GABBR2: variants seen among roughly 807,000 people sequenced by gnomAD.
GABBR2 encodes G-protein coupled receptor 51.
GABBR2 carries 23 observed loss-of-function variants against 105.6 expected under a neutral mutation model. The ratio of observed to expected loss-of-function variants is 0.22; its 90% CI spans 0.16 to 0.31. The LOEUF is 0.31. Ranked by LOEUF, GABBR2 falls within the 10% of genes least tolerant of loss-of-function variation. The probability of loss-of-function intolerance (pLI) is 1.00; values close to 1 mark genes in which losing one functional copy is unlikely to be tolerated. For missense variants in GABBR2, 734 were observed against 1,245.5 expected, an observed-to-expected ratio of 0.59 and a Z score of 6.18; for synonymous variants, 478 against 499.7, an observed-to-expected ratio of 0.96 and a Z score of 0.58.
At chr9:98,492,690 A>G (rs113753020) in intron 4 of GABBR2, among the ~76,000 whole-genome samples, 2 of 152,216 alleles carry the variant, frequency 1.3e-5, no homozygotes, top group African/African-American at 4.8e-5. Context: ...TTGGGGGAGT[A>G]TTGGTCAGGT....
At chr9:98,643,257 T>A (rs1226994152) in intron 1 of GABBR2, among the ~76,000 whole-genome samples, 1 of 152,228 alleles carries the variant, frequency 6.6e-6, no homozygotes, top group Non-Finnish European at 1.5e-5. Context: ...CAGGGCAGCA[T>A]GCAACGGCAT....
intron 1 of GABBR2, among the ~76,000 whole-genome samples, chr9:98,650,013 G>A (rs568348700): frequency 6.6e-6 from 1 of 152,150 alleles, no homozygotes; most frequent in Non-Finnish European, 1.5e-5. Flanking sequence ...GCTATAAAGA[G>A]GTCTCTCCTT....
At chr9:98,501,042 G>T (rs1000662137) in intron 3 of GABBR2, among the ~76,000 whole-genome samples, 2 of 151,996 alleles carry the variant, frequency 1.3e-5, no homozygotes, top group Non-Finnish European at 1.5e-5. Context: ...TAATGGCTTG[G>T]ATATTTTCCC....
intron 17 of GABBR2, among the ~76,000 whole-genome samples, chr9:98,296,192 T>G (rs1216889719): frequency 6.6e-6 from 1 of 152,152 alleles, no homozygotes; most frequent in Non-Finnish European, 1.5e-5. Context: ...CAAAAGGGCT[T>G]GAGAAAGTGG....
chr9:98,666,649 G>A (rs7870104), intron 1 of GABBR2, among the ~76,000 whole-genome samples: 141,262 of 152,168 alleles, frequency 0.93, 65,694 homozygotes, highest in Middle Eastern at 0.97. Context: ...CTGGGATTAC[G>A]GGCATGAGCC....
At chr9:98,653,744 T>TATGCACACCCACACACAC in intron 1 of GABBR2, among the ~76,000 whole-genome samples, 1 of 149,370 alleles carries the variant, frequency 6.7e-6, no homozygotes, top group South Asian at 2.1e-4. Flanking sequence ...CACACACACA[T>TATGCACACCCACACACAC]ATGCACACCC....
intron 2 of GABBR2, among the ~76,000 whole-genome samples, chr9:98,561,356 T>C (rs1329447196): frequency 6.6e-6 from 1 of 151,436 alleles, no homozygotes; most frequent in East Asian, 1.9e-4. Context: ...TACCCAAATG[T>C]TGGTTTCTTA....
intron 7 of GABBR2, among the ~76,000 whole-genome samples, chr9:98,436,325 T>TACC (rs1240832671): frequency 2.4e-4 from 12 of 49,226 alleles, no homozygotes; most frequent in African/African-American, 1.1e-3. Flanking sequence ...ACCATATATA[T>TACC]ATATATACAC....
intron 8 of GABBR2, among the ~76,000 whole-genome samples, chr9:98,405,169 G>T (rs1456474087): frequency 6.6e-6 from 1 of 152,188 alleles, no homozygotes; most frequent in Non-Finnish European, 1.5e-5. Context: ...TTGGCAAAAT[G>T]TCGATAATGA....
intron 12 of GABBR2, among the ~76,000 whole-genome samples, chr9:98,369,075 C>G (rs189474934): frequency 9.2e-5 from 14 of 152,262 alleles, no homozygotes; most frequent in African/African-American, 3.4e-4. Flanking sequence ...CTCATTTCAA[C>G]TGGCCTGGGC....
At chr9:98,359,114 G>A (rs62574343) in intron 13 of GABBR2, among the ~76,000 whole-genome samples, 7,584 of 152,226 alleles carry the variant, frequency 0.05, 258 homozygotes, top group Middle Eastern at 0.12. Context: ...GGCACATGAC[G>A]AGTGCTACAG....
At chr9:98,455,562 G>A (rs1253707878) in intron 6 of GABBR2, among the ~76,000 whole-genome samples, 1 of 152,206 alleles carries the variant, frequency 6.6e-6, no homozygotes, top group South Asian at 2.1e-4. Flanking sequence ...GTGTGTGTGT[G>A]GTGGAGGGAG....
chr9:98,650,477 CTAA>C (rs1830089796), intron 1 of GABBR2, among the ~76,000 whole-genome samples: 1 of 152,140 alleles, frequency 6.6e-6, no homozygotes, highest in Non-Finnish European at 1.5e-5. Flanking sequence ...AGCCCCAAAG[CTAA>C]TGAGGTCATC....
chr9:98,359,731 G>A (rs964606857), intron 13 of GABBR2, among the ~76,000 whole-genome samples: 8 of 152,232 alleles, frequency 5.3e-5, no homozygotes, highest in Non-Finnish European at 1.2e-4. Flanking sequence ...GGCTGTGGCT[G>A]CCATGGCTAC....
intron 1 of GABBR2, among the ~76,000 whole-genome samples, chr9:98,631,658 T>A (rs1380581685): frequency 7.9e-5 from 12 of 152,212 alleles, no homozygotes; most frequent in Non-Finnish European, 1.5e-5. Context: ...AATTTTAAAG[T>A]AATCGAGTCC....
intron 11 of GABBR2, among the ~76,000 whole-genome samples, chr9:98,382,366 T>A (rs1225511419): frequency 6.6e-6 from 1 of 151,894 alleles, no homozygotes; most frequent in Admixed American, 6.6e-5. Context: ...CAGGCAGGAG[T>A]GCAGTGGCAC....
intron 13 of GABBR2, among the ~76,000 whole-genome samples, chr9:98,348,867 G>A (rs903940526): frequency 3.9e-5 from 6 of 152,106 alleles, no homozygotes; most frequent in South Asian, 2.1e-4. Context: ...CATATCATCT[G>A]CAAAGAGGAA....
intron 1 of GABBR2, among the ~76,000 whole-genome samples, chr9:98,658,412 A>C (rs532447904): frequency 6.6e-6 from 1 of 151,654 alleles, no homozygotes; most frequent in Admixed American, 6.6e-5. Context: ...TGAATGAATG[A>C]ATGAATGAAT....
At chr9:98,628,695 C>T (rs1829778345) in intron 1 of GABBR2, among the ~76,000 whole-genome samples, 2 of 152,162 alleles carry the variant, frequency 1.3e-5, no homozygotes, top group Non-Finnish European at 2.9e-5. Context: ...TCACCCCTCA[C>T]ACACCACCCT....
Sources: allele counts gnomAD v4.1 joint callset (sites outside exome capture counted in the v4.1 genomes callset), GRCh38; gene constraint gnomAD v4.1.1; transcripts MANE v1.5; gene names NCBI Gene and HGNC (gene_info 2026-07-23, HGNC 2026-07-21).